Variants in RBFOX1 observed in about 807,000 individuals in gnomAD.
The protein encoded by RBFOX1 is RNA binding protein fox-1 homolog 1.
Under a neutral mutation model 57.7 loss-of-function variants are expected in RBFOX1, and 8 were observed. The ratio of observed to expected loss-of-function variants is 0.14; its 90% CI spans 0.08 to 0.25. The LOEUF (loss-of-function observed/expected upper bound fraction) is 0.25, where lower values mean the gene tolerates loss of function less well. Among genes scored for constraint, RBFOX1 ranks in the 10% least tolerant of loss-of-function variants. RBFOX1 has a pLI of 1.00. For missense variants in RBFOX1, 611 were observed against 548.5 expected, an observed-to-expected ratio of 1.11 and a Z score of -1.14; for synonymous variants, 326 against 222.4, an observed-to-expected ratio of 1.47 and a Z score of -4.15.
At chr16:7,089,366 A>G (rs1406088118) in intron 4 of RBFOX1, among the ~76,000 whole-genome samples, 1 of 152,178 alleles carries the variant, frequency 6.6e-6, no homozygotes, top group African/African-American at 2.4e-5. Flanking sequence ...GGTTGAAGCA[A>G]TTAAAATTTT....
At chr16:6,511,548 T>A (rs1198043626) in intron 2 of RBFOX1, among the ~76,000 whole-genome samples, 1 of 152,222 alleles carries the variant, frequency 6.6e-6, no homozygotes, top group East Asian at 1.9e-4. Context: ...CAACTGGCAT[T>A]GCTGAGAATA....
At chr16:5,835,836 G>T (rs955005483) in intron 3 of RBFOX1, among the ~76,000 whole-genome samples, 2 of 152,110 alleles carry the variant, frequency 1.3e-5, no homozygotes, top group Non-Finnish European at 2.9e-5. Flanking sequence ...CGAGCTCTTG[G>T]AGGAACCATG....
intron 4 of RBFOX1, among the ~76,000 whole-genome samples, chr16:7,230,530 A>G (rs12600008): frequency 0.33 from 50,191 of 152,002 alleles, 8,888 homozygotes; most frequent in East Asian, 0.68. Context: ...ACTGCTTGAC[A>G]GATTCAGCCT....
At chr16:5,246,447 A>T (rs1567231108) in intron 1 of RBFOX1, among the ~76,000 whole-genome samples, 1 of 151,968 alleles carries the variant, frequency 6.6e-6, no homozygotes, top group Non-Finnish European at 1.5e-5. Context: ...TCCTCGACTT[A>T]TTTTTTTGTG....
intron 1 of RBFOX1, among the ~76,000 whole-genome samples, chr16:6,061,420 T>G (rs950861933): frequency 2.0e-5 from 3 of 152,028 alleles, no homozygotes; most frequent in African/African-American, 7.2e-5. Flanking sequence ...CTATATAATG[T>G]TTTGTTATAT....
chr16:6,607,504 C>G (rs116678436), intron 2 of RBFOX1, among the ~76,000 whole-genome samples: 1 of 147,494 alleles, frequency 6.8e-6, no homozygotes, highest in African/African-American at 2.5e-5. Flanking sequence ...CTCTCTCTCC[C>G]CTCTCTTCTC....
chr16:7,685,290 T>C (rs1377985610), intron 14 of RBFOX1, among the ~76,000 whole-genome samples: 1 of 152,144 alleles, frequency 6.6e-6, no homozygotes. Context: ...TTATTACCAT[T>C]GCCTCTCTAC....
At chr16:6,074,777 G>T (rs144091107) in intron 1 of RBFOX1, among the ~76,000 whole-genome samples, 1 of 152,106 alleles carries the variant, frequency 6.6e-6, no homozygotes, top group Non-Finnish European at 1.5e-5. Flanking sequence ...AAGCTCAAGC[G>T]TCAGGCCTCA....
rs546723509 is a variant in RBFOX1, at chr16:6,595,755, G to T, written c.-63-58848G>T. On this transcript the variant is annotated intron_variant, in intron 2 of 15. Coordinates refer to ENST00000550418, the MANE Select transcript of RBFOX1 (RefSeq NM_018723.4). ...CTCTTTGACAATAGCCATTTTGATA[G>T]GTATGAAGTACAGCTCATCATGGAT... 6.6e-5 allele frequency among the ~76,000 whole-genome samples: 10 copies of T among 152,102 alleles called. 1 individual carries two copies. In the South Asian group the frequency reaches 2.1e-3, roughly 32 times the overall value.
chr16:6,619,231 T>G (rs920443057), intron 2 of RBFOX1, among the ~76,000 whole-genome samples: 1 of 152,148 alleles, frequency 6.6e-6, no homozygotes, highest in Non-Finnish European at 1.5e-5. Context: ...GTGAGGCAGC[T>G]GGGCTAACAC....
At chr16:5,338,894 T>G (rs1311508046) in intron 1 of RBFOX1, among the ~76,000 whole-genome samples, 1 of 152,180 alleles carries the variant, frequency 6.6e-6, no homozygotes, top group Non-Finnish European at 1.5e-5. Flanking sequence ...CCTCCTGCTT[T>G]CTTTCTTTTT....
intron 3 of RBFOX1, among the ~76,000 whole-genome samples, chr16:7,016,111 A>G (rs2093897716): frequency 6.6e-6 from 1 of 152,172 alleles, no homozygotes; most frequent in East Asian, 1.9e-4. Context: ...AGTAAAGTTC[A>G]TCACTTCTGG....
chr16:7,590,863 GAAAAAAAAAAA>G (rs36061659), intron 7 of RBFOX1, among the ~76,000 whole-genome samples: 1 of 102,924 alleles, frequency 9.7e-6, no homozygotes, highest in African/African-American at 3.6e-5. Context: ...CTGTCTCTAA[GAAAAAAAAAAA>G]AAAAAAAAAA....
intron 3 of RBFOX1, among the ~76,000 whole-genome samples, chr16:5,683,901 A>T (rs2050423925): frequency 6.6e-6 from 1 of 151,718 alleles, no homozygotes; most frequent in South Asian, 2.1e-4. Context: ...CTTCCCCTAA[A>T]TCCGTCAGCC....
intron 4 of RBFOX1, among the ~76,000 whole-genome samples, chr16:7,310,257 C>T (rs181540627): frequency 2.6e-4 from 39 of 152,284 alleles, no homozygotes; most frequent in African/African-American, 8.4e-4. Context: ...AGTTCCTGAG[C>T]CTGGCATACG....
chr16:7,532,360 G>A (rs1014361132), intron 5 of RBFOX1, among the ~76,000 whole-genome samples: 5 of 152,186 alleles, frequency 3.3e-5, no homozygotes, highest in South Asian at 2.1e-4. Context: ...GAGCCCCAGA[G>A]AGTTTCTGTG....
chr16:5,614,147 G>A (rs1161131342), intron 3 of RBFOX1, among the ~76,000 whole-genome samples: 1 of 152,172 alleles, frequency 6.6e-6, no homozygotes, highest in African/African-American at 2.4e-5. Flanking sequence ...AGGTTGGGAG[G>A]TGCGGATCAG....
intron 3 of RBFOX1, among the ~76,000 whole-genome samples, chr16:6,688,421 C>A (rs1455978412): frequency 6.6e-6 from 1 of 152,146 alleles, no homozygotes; most frequent in African/African-American, 2.4e-5. Context: ...AGCAGGGACA[C>A]AGATGCAAAC....
At chr16:7,516,953 A>G (rs769853280) in intron 4 of RBFOX1, among the ~76,000 whole-genome samples, 2 of 151,992 alleles carry the variant, frequency 1.3e-5, no homozygotes, top group Non-Finnish European at 2.9e-5. Flanking sequence ...AAATTCTGAT[A>G]TTTTTGCCCT....
Sources: allele counts gnomAD v4.1 joint callset (sites outside exome capture counted in the v4.1 genomes callset), GRCh38; gene constraint gnomAD v4.1.1; transcripts MANE v1.5; gene names NCBI Gene and HGNC (gene_info 2026-07-23, HGNC 2026-07-21).